Variants in MCPH1 observed in about 807,000 individuals in gnomAD.
MCPH1 encodes microcephalin 1, also known as microcephalin.
Under a neutral mutation model 84.5 loss-of-function variants are expected in MCPH1, and 104 were observed. The ratio of observed to expected loss-of-function variants is 1.23; its 90% confidence interval spans 1.05 to 1.45. The LOEUF (loss-of-function observed/expected upper bound fraction) is 1.45. MCPH1 is among the 40% of genes most tolerant of loss of function. The pLI is 0.00. For missense variants in MCPH1, 1,498 were observed against 1,005.7 expected (o/e 1.49, Z -6.62); for synonymous variants, 514 against 366.8 (o/e 1.40, Z -4.58).
At position 6,517,633 on chromosome 8, in the gene MCPH1, T is replaced by C. The variant is rs1816516695; in HGVS notation, c.2214+17704T>C. Among the ~76,000 whole-genome samples the C allele has an allele frequency of 2.6e-5, 4 of 152,316 alleles. No individual in the cohort carries two copies. In the South Asian group the frequency reaches 8.3e-4, roughly 32 times the overall value. On this transcript the variant is annotated intron_variant, in intron 12 of 13. Transcript: ENST00000344683. ...TGGTAGTCTTTGAAGGCAGTGAAAATGGTGACCACTACCATTTACTGTCCC... is the reference window on the plus strand; with the variant it reads ...TGGTAGTCTTTGAAGGCAGTGAAAACGGTGACCACTACCATTTACTGTCCC...
At chr8:6,574,970 C>A (rs1345464064) in intron 12 of MCPH1, among the ~76,000 whole-genome samples, 1 of 152,146 alleles carries the variant, frequency 6.6e-6, no homozygotes, top group Non-Finnish European at 1.5e-5. Context: ...TGAGATAAAG[C>A]AGTAAGAGGG....
chr8:6,584,255 T>C (rs1827802345), intron 12 of MCPH1, among the ~76,000 whole-genome samples: 1 of 152,226 alleles, frequency 6.6e-6, no homozygotes, highest in Admixed American at 6.5e-5. Flanking sequence ...CGTAAGTTCA[T>C]CTGGTGCAGC....
intron 13 of MCPH1, chr8:6,625,622 G>A (rs139591884): frequency 1.3e-4 from 128 of 985,280 alleles, no homozygotes; most frequent in African/African-American, 2.3e-4. Context: ...TTGTAAGGTA[G>A]GGTCCCTGAG....
intron 12 of MCPH1, among the ~76,000 whole-genome samples, chr8:6,520,153 C>T (rs1276651810): frequency 1.3e-5 from 2 of 152,096 alleles, no homozygotes; most frequent in Admixed American, 1.3e-4. Flanking sequence ...TTCCTTTCAG[C>T]CTGTTTTCTT....
At chr8:6,575,615 C>A (rs528516658) in intron 12 of MCPH1, among the ~76,000 whole-genome samples, 1 of 152,154 alleles carries the variant, frequency 6.6e-6, no homozygotes, top group African/African-American at 2.4e-5. Context: ...TTTTGTTCTC[C>A]GAAAATTCAT....
intron 9 of MCPH1, among the ~76,000 whole-genome samples, chr8:6,473,077 C>A (rs1392656266): frequency 2.6e-5 from 4 of 151,982 alleles, no homozygotes; most frequent in African/African-American, 9.7e-5. Context: ...GGAATCTAAG[C>A]CAATTATACA....
chr8:6,564,923 G>A (rs985577580), intron 12 of MCPH1, among the ~76,000 whole-genome samples: 2 of 152,168 alleles, frequency 1.3e-5, no homozygotes, highest in Non-Finnish European at 2.9e-5. Flanking sequence ...CAACCAAAGG[G>A]TTCTGTCACA....
At chr8:6,466,353 G>A (rs1806944406) in intron 9 of MCPH1, among the ~76,000 whole-genome samples, 1 of 150,944 alleles carries the variant, frequency 6.6e-6, no homozygotes, top group Non-Finnish European at 1.5e-5. Flanking sequence ...TGTTGCTGAG[G>A]CTGGAGTGCA....
intron 12 of MCPH1, among the ~76,000 whole-genome samples, chr8:6,543,187 A>T (rs1821919840): frequency 6.6e-6 from 1 of 152,146 alleles, no homozygotes; most frequent in Admixed American, 6.5e-5. Flanking sequence ...AATGGATAGA[A>T]TTTTTGAGAT....
chr8:6,553,865 T>A (rs973041165), intron 12 of MCPH1, among the ~76,000 whole-genome samples: 5 of 152,134 alleles, frequency 3.3e-5, no homozygotes, highest in African/African-American at 9.7e-5. Flanking sequence ...TGGATTTACA[T>A]GTAAGACAAC....
intron 13 of MCPH1, among the ~76,000 whole-genome samples, chr8:6,632,470 A>T (rs79704138): frequency 6.6e-6 from 1 of 152,202 alleles, no homozygotes; most frequent in Non-Finnish European, 1.5e-5. Context: ...GGCTACATTG[A>T]TCTTGACCTA....
intron 12 of MCPH1, among the ~76,000 whole-genome samples, chr8:6,567,996 T>G (rs774536602): frequency 6.6e-6 from 1 of 152,232 alleles, no homozygotes; most frequent in Non-Finnish European, 1.5e-5. Flanking sequence ...TCCCCCATAT[T>G]CTGTGTCGGC....
intron 12 of MCPH1, among the ~76,000 whole-genome samples, chr8:6,554,013 G>C (rs1214725505): frequency 2.0e-5 from 3 of 151,606 alleles, no homozygotes; most frequent in African/African-American, 4.9e-5. Context: ...GCACAACTCA[G>C]GTTTAACCTT....
rs1806810191 is a variant in MCPH1 at position 6,465,712 on chromosome 8, TC to T, written c.1935+10462del. Among the ~76,000 whole-genome samples the T allele has an allele frequency of 3.3e-5, 5 of 152,160 alleles. No homozygotes were observed. The South Asian group carries it at 8.3e-4, about 25-fold the overall frequency. ...AGGCCTGCAAACCTTACGGCTTATT[TC>T]CACTGACATCAGAGACTCATGTTAA... On this transcript the variant is annotated intron_variant, in intron 9 of 13. Coordinates refer to ENST00000344683, the MANE Select transcript of MCPH1 (RefSeq NM_024596.5).
At chr8:6,410,976 G>T (rs1246222110) in intron 2 of MCPH1, among the ~76,000 whole-genome samples, 1 of 152,166 alleles carries the variant, frequency 6.6e-6, no homozygotes, top group Non-Finnish European at 1.5e-5. Flanking sequence ...TGTAGTCTCA[G>T]TGATTCGGGA....
chr8:6,571,098 T>C (rs1239342580), intron 12 of MCPH1, among the ~76,000 whole-genome samples: 1 of 152,154 alleles, frequency 6.6e-6, no homozygotes, highest in Non-Finnish European at 1.5e-5. Flanking sequence ...AGTATTATTA[T>C]GGAATATTTT....
intron 3 of MCPH1, among the ~76,000 whole-genome samples, chr8:6,427,794 T>C (rs1414760135): frequency 1.5e-4 from 2 of 13,214 alleles, no homozygotes; most frequent in Admixed American, 1.9e-3. Context: ...GTTATTATAC[T>C]GTTTTTTTTT....
At chr8:6,588,081 G>T (rs1828137929) in intron 12 of MCPH1, among the ~76,000 whole-genome samples, 1 of 152,188 alleles carries the variant, frequency 6.6e-6, no homozygotes, top group African/African-American at 2.4e-5. Context: ...GCGTATATGG[G>T]GAGACTGAGG....
At chr8:6,411,845 C>A (rs1266483542) in intron 2 of MCPH1, among the ~76,000 whole-genome samples, 2 of 152,076 alleles carry the variant, frequency 1.3e-5, no homozygotes, top group Non-Finnish European at 2.9e-5. Context: ...GCGGGCATGT[C>A]TTAGAACTTA....
Sources: gnomAD v4.1 joint callset for allele counts (sites outside exome capture counted in the v4.1 genomes callset) on GRCh38, gnomAD v4.1.1 for gene constraint, MANE v1.5 for transcripts, NCBI Gene and HGNC (gene_info 2026-07-23, HGNC 2026-07-21) for gene names.